Variants in TRIM29 observed in about 807,000 individuals in gnomAD.
TRIM29 encodes the protein tripartite motif containing 29.
A neutral mutation model predicts 57.3 loss-of-function variants in TRIM29; 52 were observed. The observed-to-expected ratio is 0.91, with a 90% CI of 0.73 to 1.14. The LOEUF (loss-of-function observed/expected upper bound fraction) is 1.14. TRIM29 is among the 50% of genes most tolerant of loss of function. TRIM29 has a pLI of 0.00. For missense variants in TRIM29, 753 were observed against 774.6 expected, an observed-to-expected ratio of 0.97 and a Z score of 0.33; for synonymous variants, 319 against 316.9, an observed-to-expected ratio of 1.01 and a Z score of -0.07.
chr11:120,138,086 C>A lies in TRIM29; in HGVS notation c.-55G>T. 1 of 1,497,086 alleles carries A rather than the reference C, an allele frequency of 6.7e-7. No individual in the cohort carries two copies. Among genetic ancestry groups the A allele is most frequent in the East Asian group, 2.3e-5 (1 of 42,668 alleles). The allele number at this position is 1,497,086 out of a possible 1,614,324, so 92.7% of individuals were successfully genotyped here. A position where few individuals can be genotyped will look rare whatever the true frequency, so the allele number is the denominator to read the frequency against. ...CTTGCTGGGGTTCAGGATAGGTGAC[C>A]TTTCTGGCAGGCGTCTCGGCAGGGA... On this transcript the variant is annotated 5_prime_UTR_variant, in exon 1 of 9. The change creates a new upstream start codon in the 5' untranslated region. Transcript: ENST00000341846.
At chr11:120,126,019 T>G in intron 3 of TRIM29, 130 bp from the exon 4 acceptor site, 1 of 897,860 alleles carries the variant, frequency 1.1e-6, no homozygotes, top group Non-Finnish European at 1.7e-6. Flanking sequence ...TCACTGGATG[T>G]TTGTTTCTTC....
chr11:120,128,694 AG>A lies in TRIM29; in HGVS notation c.805-200del, dbSNP rs1343959607. The A allele has an allele frequency of 2.0e-6, 3 of 1,535,698 alleles. No individual in the cohort carries two copies. In the South Asian group the frequency reaches 3.6e-5, roughly 18 times the overall value. On this transcript the variant is annotated intron_variant, in intron 1 of 8. Coordinates refer to ENST00000341846, the MANE Select transcript of TRIM29 (RefSeq NM_012101.4). ...GCCAGTCGCCAAGGATCTAGCAGTA[AG>A]TTAAATACCATCTTGCTGTATTCTC...
Position 120,125,850 on chromosome 11 carries a change from G to C in TRIM29, c.1174C>G (p.Pro392Ala). ...ALMSNYSLPP[P>A]LPTYHVLLEG... Reference sequence around the variant, plus strand: ...AGCAGGACATGATAGGTGGGCAGGGGTGGGGGGAGAGAGTAATTGCTCATC... The same window carrying C: ...AGCAGGACATGATAGGTGGGCAGGGCTGGGGGGAGAGAGTAATTGCTCATC... Residue 392 changes from proline to alanine, a missense_variant, in exon 4 of 9, where the codon CCC becomes GCC. Pro to Ala is a conservative substitution (Grantham distance 27, BLOSUM62 -1). Transcript: ENST00000341846. 3.1e-6 allele frequency: 5 copies of C among 1,614,114 alleles called. No individual in the cohort carries two copies. The highest frequency in any genetic ancestry group is 4.2e-6 in the Non-Finnish European group (5 of 1,179,982).
In TRIM29 at chr11:120,137,366, G is replaced by A. The variant is rs760285241; in HGVS notation, c.666C>T (p.Ala222=). 5.6e-6 allele frequency: 9 copies of A among 1,613,802 alleles called. No homozygotes were observed. Among genetic ancestry groups the A allele is most frequent in the African/African-American group, 5.3e-5 (4 of 75,046 alleles). Residue 222 remains alanine (A), a synonymous_variant, in exon 1 of 9, where the codon GCC becomes GCT. Coordinates refer to ENST00000341846, the MANE Select transcript of TRIM29 (RefSeq NM_012101.4). This position sits in a 1 kb window ranked among gnomAD's most constrained non-coding sequence, Gnocchi z 6.2. ...TCTTGCCATGCACGGGACACTTGCG[G>A]GCCTCAAAGTCCCGGATGGGCTCGA... ...QLLEPIRDFE[A]RKCPVHGKTM...
Position 120,127,432 on chromosome 11 carries a change from G to C in TRIM29, c.1038C>G (p.Ile346Met), listed in dbSNP as rs1863616005. ...EQDAVDQVKV[I>M]MDALDERAKV... is the part of the protein sequence containing the mutation. ...TGGCTCTCTCATCCAGAGCATCCATGATCACCTTCACTTGGTCCACAGCAT... is the reference window on the plus strand; with the variant it reads ...TGGCTCTCTCATCCAGAGCATCCATCATCACCTTCACTTGGTCCACAGCAT... The change falls in exon 3 of 9, where the codon ATC (isoleucine) becomes ATG (methionine). Residue 346 changes from isoleucine to methionine, a missense_variant. Ile to Met is a conservative substitution (Grantham distance 10, BLOSUM62 1). Transcript: ENST00000341846. 1 of 1,614,064 alleles carries C rather than the reference G, an allele frequency of 6.2e-7. No individual in the cohort carries two copies. Among genetic ancestry groups the C allele is most frequent in the African/African-American group, 1.3e-5 (1 of 74,920 alleles).
chr11:120,122,869 C>A, intron 5 of TRIM29, 85 bp downstream of exon 5: 1 of 1,102,258 alleles, frequency 9.1e-7, no homozygotes, highest in South Asian at 1.4e-5. Context: ...TCAGAAGGAA[C>A]CTGGCTGAGA....
chr11:120,137,961 C>A lies in TRIM29; in HGVS notation c.71G>T (p.Gly24Val), dbSNP rs748482727. The change falls in exon 1 of 9, where the codon GGC (glycine) becomes GTC (valine). Residue 24 changes from glycine to valine, a missense_variant. By Grantham distance (109) the Gly-to-Val change is moderately radical. Coordinates refer to ENST00000341846, the MANE Select transcript of TRIM29 (RefSeq NM_012101.4). The surrounding 1 kb of genome is among the most constrained non-coding windows in gnomAD (Gnocchi z 6.2). ...GCCATTCTCCAGGCTGCCACTGGGG[C>A]CCGACGGGCTCCGGGCATCCCTGGC... ...PEARDARSPS[G>V]PSGSLENGTK... 4 of 1,606,650 alleles carry A rather than the reference C, an allele frequency of 2.5e-6. No homozygotes were observed.
rs146232224 is a variant in TRIM29, at chr11:120,135,795, C to G, written c.804+1433G>C. On this transcript the variant is annotated intron_variant, in intron 1 of 8. Coordinates refer to ENST00000341846, the MANE Select transcript of TRIM29 (RefSeq NM_012101.4). The stretch of plus-strand genomic sequence containing the variant: ...AACCAGCTCCTCCTGGTCAGGAAGG[C>G]TGGGCAGGAAGGAATCCTCTGCTGT... Among the ~76,000 whole-genome samples the G allele has an allele frequency of 2.1e-3, 316 of 152,254 alleles. 2 individuals are homozygous for G. Among genetic ancestry groups the G allele is most frequent in the African/African-American group, 7.0e-3 (289 of 41,556 alleles).
rs144796428 is a variant in TRIM29, at chr11:120,137,858, G to A, written c.174C>T (p.Ser58=). ...GEAAEGKSLG[S]ALKPGEGRSA... ...TCCTACCTTCCCCTGGCTTCAGGGCGCTGCCCAGGCTCTTGCCCTCAGCTG... is the reference window on the plus strand; with the variant it reads ...TCCTACCTTCCCCTGGCTTCAGGGCACTGCCCAGGCTCTTGCCCTCAGCTG... The change falls in exon 1 of 9, where the codon AGC becomes AGT. Residue 58 remains serine, a synonymous_variant. Transcript: ENST00000341846. The surrounding 1 kb of genome is among the most constrained non-coding windows in gnomAD (Gnocchi z 6.2). 5.8e-5 allele frequency: 93 copies of A among 1,611,550 alleles called. No homozygotes were observed. The highest frequency in any genetic ancestry group is 1.6e-4 in the Middle Eastern group (1 of 6,082).
At position 120,129,357 on chromosome 11, in the gene TRIM29, T is replaced by A. The variant is rs1446601978; in HGVS notation, c.805-862A>T. Among the ~76,000 whole-genome samples the A allele has an allele frequency of 2.3e-4, 35 of 152,172 alleles. 1 individual carries two copies. The highest frequency in any genetic ancestry group is 2.3e-3 in the Admixed American group (35 of 15,286). ...CCATCCAGCCAAGCCTCTGTTCTGC[T>A]GGGCTGTCCTGTAGGACACTCAAAG... On this transcript the variant is annotated intron_variant, in intron 1 of 8. Transcript: ENST00000341846.
At chr11:120,123,700 C>A (rs540696587) in intron 4 of TRIM29, 24 of 343,728 alleles carry the variant, frequency 7.0e-5, no homozygotes, top group South Asian at 5.4e-4. Flanking sequence ...ATTCCTTTCT[C>A]TTTCGACTTC....
chr11:120,112,193 C>T lies in TRIM29; in HGVS notation c.*221G>A. 3 of 524,182 alleles carry T rather than the reference C, an allele frequency of 5.7e-6. No individual in the cohort carries two copies. Among genetic ancestry groups the T allele is most frequent in the African/African-American group, 3.9e-5 (2 of 50,904 alleles). The allele number at this position is 524,182 out of a possible 1,614,324, so 32.5% of individuals were successfully genotyped here. On this transcript the variant is annotated 3_prime_UTR_variant, in exon 9 of 9. Coordinates refer to ENST00000341846, the MANE Select transcript of TRIM29 (RefSeq NM_012101.4). ...CTCTGAGCACAGGAATGATGGTGAC[C>T]ATCTGAGGTCACAAGGCAGGAAAGG...
In TRIM29 at chr11:120,115,489, C is replaced by T. The variant is rs992160415; in HGVS notation, c.1628-75G>A. ...GGTGCCCGGGCCCAGAGCAGCACAGCTGCCTTCTCCAAAGTGACCACCAAG... is the reference window on the plus strand; with the variant it reads ...GGTGCCCGGGCCCAGAGCAGCACAGTTGCCTTCTCCAAAGTGACCACCAAG... On this transcript the variant is annotated intron_variant, in intron 7 of 8. Transcript: ENST00000341846. 10 of 1,291,304 alleles carry T rather than the reference C, an allele frequency of 7.7e-6. No individual in the cohort carries two copies. In the African/African-American group the frequency reaches 1.3e-4, roughly 17 times the overall value. The allele number at this position is 1,291,304 out of a possible 1,614,324, so 80.0% of individuals were successfully genotyped here.
chr11:120,112,649 C>CT (rs1863163621), intron 8 of TRIM29, among the ~76,000 whole-genome samples, 173 bp from the exon 9 acceptor site: 1 of 152,074 alleles, frequency 6.6e-6, no homozygotes, highest in South Asian at 2.1e-4. Flanking sequence ...AGGGGCTGGT[C>CT]CCTAATGTCA....
chr11:120,127,455 C>T lies in TRIM29; in HGVS notation c.1015G>A (p.Ala339Thr). The part of the protein sequence containing the change: ...RAALEQREQD[A>T]VDQVKVIMDA... ...ATGATCACCTTCACTTGGTCCACAG[C>T]ATCCTGCTCCCGCTGCTCCAGCGCA... Residue 339 changes from alanine to threonine, a missense_variant, in exon 3 of 9, where the codon GCT becomes ACT. Transcript: ENST00000341846. The T allele has an allele frequency of 6.2e-7, 1 of 1,614,204 alleles. No homozygotes were observed. Among genetic ancestry groups the T allele is most frequent in the South Asian group, 1.1e-5 (1 of 91,084 alleles).
intron 8 of TRIM29, 47 bp downstream of exon 8, chr11:120,115,291 C>A (rs373376610): frequency 2.5e-5 from 40 of 1,589,106 alleles, no homozygotes; most frequent in Non-Finnish European, 3.3e-5. Context: ...CCTTCAGTGC[C>A]CAGGTCTCTG....
chr11:120,136,454 G>T (rs1157644909), intron 1 of TRIM29, among the ~76,000 whole-genome samples: 1 of 152,084 alleles, frequency 6.6e-6, no homozygotes, highest in Non-Finnish European at 1.5e-5. Context: ...CTAAGTCAGG[G>T]ACTAGCTGTA....
At chr11:120,118,148 G>C (rs1245561244) in intron 7 of TRIM29, 75 bp downstream of exon 7, 5 of 1,359,784 alleles carry the variant, frequency 3.7e-6, no homozygotes, top group Admixed American at 1.8e-5. Flanking sequence ...GCAGCTCAGC[G>C]AAGAGACCCA....
intron 1 of TRIM29, among the ~76,000 whole-genome samples, chr11:120,131,056 G>A (rs1268428140): frequency 2.0e-5 from 3 of 152,270 alleles, no homozygotes; most frequent in South Asian, 4.2e-4. Flanking sequence ...TGGTGGAAAT[G>A]AAGGAGGACA....
Sources: gnomAD v4.1 joint callset for allele counts (sites outside exome capture counted in the v4.1 genomes callset) on GRCh38, gnomAD v4.1.1 for gene constraint, Gnocchi (gnomAD v3.1) non-coding constraint, MANE v1.5 for transcripts, NCBI Gene and HGNC (gene_info 2026-07-23, HGNC 2026-07-21) for gene names.